Variants in HECA observed in about 807,000 individuals in gnomAD.
HECA encodes headcase protein homolog.
Under a neutral mutation model 37.6 loss-of-function variants are expected in HECA, and 13 were observed. The observed-to-expected ratio is 0.35, with a 90% CI of 0.23 to 0.55. HECA has a LOEUF of 0.55. Among genes scored for constraint, HECA ranks in the 20% least tolerant of loss-of-function variants. HECA has a pLI of 0.90. For missense variants in HECA, 527 were observed against 701.9 expected, an observed-to-expected ratio of 0.75 and a Z score of 2.82; for synonymous variants, 307 against 291.5, an observed-to-expected ratio of 1.05 and a Z score of -0.54.
chr6:139,163,401 C>T (rs1359001576), intron 1 of HECA, among the ~76,000 whole-genome samples: 1 of 149,214 alleles, frequency 6.7e-6, no homozygotes, highest in African/African-American at 2.5e-5. Context: ...GCCACTCAGG[C>T]TGGTGTGCAG....
At chr6:139,143,732 G>A (rs1027129398) in intron 1 of HECA, among the ~76,000 whole-genome samples, 5 of 151,870 alleles carry the variant, frequency 3.3e-5, no homozygotes, top group East Asian at 3.9e-4. Flanking sequence ...GTGGTGGCAC[G>A]TGCCTGTAAT....
At chr6:139,166,077 T>G (rs919957307) in intron 1 of HECA, 14 of 503,692 alleles carry the variant, frequency 2.8e-5, no homozygotes, top group Middle Eastern at 5.0e-4. Context: ...AAGGTCCTTT[T>G]TAGAGATTCC....
At chr6:139,170,509 T>G (rs2114483518) in intron 2 of HECA, 1 of 152,306 alleles carries the variant, frequency 6.6e-6, no homozygotes, top group Admixed American at 6.5e-5. Flanking sequence ...GTGGACTGGA[T>G]CTTGGTAAGC....
At position 139,168,688 on chromosome 6, in the gene HECA, A is replaced by G. The variant is rs189996967; in HGVS notation, c.1312+1364A>G. 3.3e-3 allele frequency among the ~76,000 whole-genome samples: 507 copies of G among 151,808 alleles called. 2 individuals carry two copies. The highest frequency in any genetic ancestry group is 5.5e-3 in the Non-Finnish European group (371 of 67,946). On this transcript the variant is annotated intron_variant, in intron 2 of 3. Transcript: ENST00000367658. ...AAAATCTTGTTTCCTAGATCTCAAT[A>G]TTTTATTTTTTTCTCGGTTTATTCT...
At chr6:139,172,461 T>C (rs1402450963) in intron 2 of HECA, among the ~76,000 whole-genome samples, 9 of 152,204 alleles carry the variant, frequency 5.9e-5, no homozygotes, top group African/African-American at 1.2e-4. Context: ...CTTCGTTTGC[T>C]CTCTTTCCCT....
rs577786207 is a variant in HECA at position 139,163,839 on chromosome 6, T to C, written c.272-2445T>C. 1.4e-3 allele frequency among the ~76,000 whole-genome samples: 210 copies of C among 152,286 alleles called. 6 individuals carry two copies. In the South Asian group the frequency reaches 0.041, roughly 30 times the overall value. Reference sequence around the variant, plus strand: ...TTTTTCTTGGGCATCTCATTAGTCCTAGGGATTTGACCTTCATCTGTGGGT... The same window carrying C: ...TTTTTCTTGGGCATCTCATTAGTCCCAGGGATTTGACCTTCATCTGTGGGT... On this transcript the variant is annotated intron_variant, in intron 1 of 3. Coordinates refer to ENST00000367658, the MANE Select transcript of HECA (RefSeq NM_016217.3).
chr6:139,160,765 A>T lies in HECA; in HGVS notation c.272-5519A>T, dbSNP rs552227814. 2.6e-4 allele frequency among the ~76,000 whole-genome samples: 39 copies of T among 152,350 alleles called. 1 individual carries two copies. In the South Asian group the frequency reaches 7.7e-3, roughly 30 times the overall value. On this transcript the variant is annotated intron_variant, in intron 1 of 3. Coordinates refer to ENST00000367658, the MANE Select transcript of HECA (RefSeq NM_016217.3). ...TATGGCATGTTCAAAACATTGGAAA[A>T]AGTAGAAAACATTGGAGCAGTTTGC...
chr6:139,170,948 T>A (rs1774964060), intron 2 of HECA, among the ~76,000 whole-genome samples: 1 of 152,068 alleles, frequency 6.6e-6, no homozygotes, highest in African/African-American at 2.4e-5. Flanking sequence ...AAAGAAAAAT[T>A]ACAGCTTGTG....
At chr6:139,158,212 G>T (rs1262036185) in intron 1 of HECA, among the ~76,000 whole-genome samples, 1 of 151,710 alleles carries the variant, frequency 6.6e-6, no homozygotes, top group Non-Finnish European at 1.5e-5. Flanking sequence ...TTTATAAAAA[G>T]TCAGCTGGGG....
At chr6:139,174,566 A>C in intron 3 of HECA, 27 bp downstream of exon 3, 1 of 1,606,262 alleles carries the variant, frequency 6.2e-7, no homozygotes, top group Non-Finnish European at 8.5e-7. Flanking sequence ...CTGAGGGAGC[A>C]GTGGGTGATA....
intron 1 of HECA, among the ~76,000 whole-genome samples, chr6:139,165,134 C>A (rs1774865080): frequency 6.6e-6 from 1 of 152,096 alleles, no homozygotes. Context: ...TACAATTATG[C>A]CCATTTATGG....
At chr6:139,168,404 T>C (rs529070282) in intron 2 of HECA, among the ~76,000 whole-genome samples, 5 of 139,300 alleles carry the variant, frequency 3.6e-5, no homozygotes, top group African/African-American at 1.1e-4. Flanking sequence ...TTAGGGTTAA[T>C]TGATTATTTT....
Position 139,135,626 on chromosome 6 carries a change from C to T in HECA, c.230C>T (p.Ala77Val), listed in dbSNP as rs1392667703. The T allele has an allele frequency of 2.1e-6, 2 of 966,046 alleles. No individual in the cohort carries two copies. The highest frequency in any genetic ancestry group is 2.5e-6 in the Non-Finnish European group (2 of 814,834). 59.8% of individuals were successfully genotyped at this position (966,046 alleles called of 1,614,324 possible). Reference protein sequence around the residue: ...GGAGTGAANAAAAAGAAAAGD... With the variant: ...GGAGTGAANAVAAAGAAAAGD... ...GCGGGGACTGGCGCCGCGAACGCTG[C>T]GGCCGCCGCGGGGGCTGCGGCCGCG... Residue 77 changes from alanine to valine, a missense_variant, in exon 1 of 4, where the codon GCG (alanine) becomes GTG (valine). This residue lies in a region of HECA where 172 missense variants were observed against 197.6 expected (regional missense o/e 0.87). Transcript: ENST00000367658.
intron 1 of HECA, among the ~76,000 whole-genome samples, chr6:139,143,253 G>GTTGGCA (rs1562242676): frequency 6.6e-6 from 1 of 152,154 alleles, no homozygotes; most frequent in East Asian, 1.9e-4. Flanking sequence ...TGTGAAAGAC[G>GTTGGCA]TTGGCACAGG....
rs533573779 is a variant in HECA at position 139,178,328 on chromosome 6, A to G, written c.*1223A>G. 2.6e-5 allele frequency: 4 copies of G among 152,170 alleles called. No individual in the cohort carries two copies. Among genetic ancestry groups the G allele is most frequent in the Non-Finnish European group, 5.9e-5 (4 of 68,034 alleles). 9.4% of individuals were successfully genotyped at this position (152,170 alleles called of 1,614,324 possible). A position where few individuals can be genotyped will look rare whatever the true frequency, so the allele number is the denominator to read the frequency against. ...TGGTTCAGTAGATTTTAATGCTTTA[A>G]ATAGACTGACGTCGCATACCCTTAT... On this transcript the variant is annotated 3_prime_UTR_variant, in exon 4 of 4. Coordinates refer to ENST00000367658, the MANE Select transcript of HECA (RefSeq NM_016217.3).
rs1774886093 is a variant in HECA at position 139,166,383 on chromosome 6, C to G, written c.371C>G (p.Pro124Arg). The change falls in exon 2 of 4, where the codon CCC becomes CGC. Residue 124 changes from proline (P) to arginine (R), a missense_variant. Physicochemically the swap from Pro to Arg is moderately radical, Grantham distance 103. Transcript: ENST00000367658. ...GTGGTGTGCAACAACGAGCACTGCC[C>G]CTGCAGCACCTGGATGCACCTGCAG... Reference protein sequence around the residue: ...QKVVCNNEHCPCSTWMHLQCF... With the variant: ...QKVVCNNEHCRCSTWMHLQCF... 6 of 1,614,192 alleles carry G rather than the reference C, an allele frequency of 3.7e-6. 1 individual carries two copies. In the South Asian group the frequency reaches 5.5e-5, roughly 15 times the overall value.
intron 1 of HECA, among the ~76,000 whole-genome samples, chr6:139,155,077 G>A (rs767278677): frequency 6.6e-6 from 1 of 152,138 alleles, no homozygotes; most frequent in Non-Finnish European, 1.5e-5. Context: ...ATCATCAGGC[G>A]TACATCATAG....
intron 1 of HECA, among the ~76,000 whole-genome samples, chr6:139,140,502 A>G (rs1478864801): frequency 6.6e-6 from 1 of 152,198 alleles, no homozygotes; most frequent in Non-Finnish European, 1.5e-5. Flanking sequence ...ATGGTGCTCT[A>G]TGCGCAGTCT....
At chr6:139,145,656 A>G (rs956841544) in intron 1 of HECA, among the ~76,000 whole-genome samples, 2 of 152,242 alleles carry the variant, frequency 1.3e-5, no homozygotes, top group East Asian at 3.8e-4. Context: ...GATAAAAGAC[A>G]TTTAATCATA....
Sources: allele counts gnomAD v4.1 joint callset (sites outside exome capture counted in the v4.1 genomes callset), GRCh38; gene constraint gnomAD v4.1.1; regional missense constraint gnomAD v4.1.1; transcripts MANE v1.5; gene names NCBI Gene and HGNC (gene_info 2026-07-23, HGNC 2026-07-21).